EVI5: variants seen among roughly 807,000 people sequenced by gnomAD.
EVI5 encodes the protein ecotropic viral integration site 5, also known as ecotropic viral integration site 5 protein homolog.
EVI5 carries 73 observed loss-of-function variants against 112.0 expected under a neutral mutation model. The ratio of observed to expected loss-of-function variants is 0.65; its 90% CI spans 0.54 to 0.79. The LOEUF (loss-of-function observed/expected upper bound fraction) is 0.79, where lower values mean the gene tolerates loss of function less well. EVI5 is among the 30% of genes least tolerant of loss of function. The probability of loss-of-function intolerance (pLI) is 0.00; values close to 1 mark genes in which losing one functional copy is unlikely to be tolerated. For synonymous variants in EVI5, 305 were observed against 319.9 expected (o/e 0.95, Z 0.50); for missense variants, 900 against 968.8 (o/e 0.93, Z 0.94).
At chr1:92,763,405 T>A (rs1682164354) in intron 1 of EVI5, among the ~76,000 whole-genome samples, 1 of 151,212 alleles carries the variant, frequency 6.6e-6, no homozygotes, top group Admixed American at 6.6e-5. Context: ...ATTTTAAAAT[T>A]AACATTTTGA....
At chr1:92,776,903 C>T (rs559809637) in intron 1 of EVI5, among the ~76,000 whole-genome samples, 40 of 151,670 alleles carry the variant, frequency 2.6e-4, no homozygotes, top group Non-Finnish European at 4.7e-4. Context: ...CCCGGGTTCA[C>T]GCCATTCTCC....
chr1:92,774,158 T>C (rs1683816176), intron 1 of EVI5: 1 of 152,188 alleles, frequency 6.6e-6, no homozygotes. Context: ...TTCAAAGACA[T>C]TACATTATTC....
chr1:92,670,923 C>T (rs759307648), intron 10 of EVI5, among the ~76,000 whole-genome samples: 28 of 152,102 alleles, frequency 1.8e-4, no homozygotes, highest in Non-Finnish European at 3.5e-4. Flanking sequence ...CTCCTAACTT[C>T]GCACTAAATT....
intron 13 of EVI5, among the ~76,000 whole-genome samples, chr1:92,650,114 G>A (rs897121190): frequency 6.6e-6 from 1 of 152,032 alleles, no homozygotes; most frequent in Non-Finnish European, 1.5e-5. Flanking sequence ...GAAAGTGTGA[G>A]TCCTCCAACT....
intron 1 of EVI5, among the ~76,000 whole-genome samples, chr1:92,755,076 T>G (rs998598716): frequency 4.0e-5 from 6 of 151,098 alleles, no homozygotes; most frequent in Non-Finnish European, 7.4e-5. Context: ...AGGTTTTTTT[T>G]TTTTTTTTTT....
At chr1:92,515,036 C>A (rs1021814755) in intron 19 of EVI5, among the ~76,000 whole-genome samples, 2 of 152,152 alleles carry the variant, frequency 1.3e-5, no homozygotes, top group African/African-American at 4.8e-5. Context: ...CTTCTCTCCC[C>A]AACTCCCCCT....
intron 1 of EVI5, among the ~76,000 whole-genome samples, chr1:92,764,926 G>A (rs1570845159): frequency 6.6e-6 from 1 of 151,872 alleles, no homozygotes; most frequent in South Asian, 2.1e-4. Flanking sequence ...TATATGCTTC[G>A]GTAAACACAA....
At chr1:92,632,341 T>C (rs532194271) in intron 14 of EVI5, among the ~76,000 whole-genome samples, 3 of 152,328 alleles carry the variant, frequency 2.0e-5, no homozygotes, top group East Asian at 1.9e-4. Flanking sequence ...AGCTATTAAT[T>C]ATTGCCTCAA....
chr1:92,724,924 C>T (rs1675330213), intron 2 of EVI5, among the ~76,000 whole-genome samples: 1 of 152,128 alleles, frequency 6.6e-6, no homozygotes, highest in Non-Finnish European at 1.5e-5. Flanking sequence ...TTTTAACCAC[C>T]TTGAAATTCA....
chr1:92,657,421 G>T (rs1663194651), intron 13 of EVI5, among the ~76,000 whole-genome samples: 1 of 152,266 alleles, frequency 6.6e-6, no homozygotes, highest in Middle Eastern at 3.4e-3. Flanking sequence ...CCAGCACTTT[G>T]AGAGGCCAAG....
At chr1:92,719,169 G>A (rs977151607) in intron 2 of EVI5, among the ~76,000 whole-genome samples, 4 of 150,982 alleles carry the variant, frequency 2.6e-5, no homozygotes, top group Non-Finnish European at 5.9e-5. Context: ...AATAGAAAAA[G>A]AGGGAATCCT....
chr1:92,605,290 T>C lies in EVI5; in HGVS notation c.2070+17A>G. ...AAACTATATTTTTACATGTACTTTA[T>C]TATTTTCATATGGTACCTGGATTTC... On this transcript the variant is annotated intron_variant, in intron 18 of 19. Coordinates refer to ENST00000684568, the MANE Select transcript of EVI5 (RefSeq NM_001350197.2). 6.5e-7 allele frequency: 1 copy of C among 1,536,610 alleles called. No individual in the cohort carries two copies. Among genetic ancestry groups the C allele is most frequent in the Non-Finnish European group, 9.0e-7 (1 of 1,110,250 alleles).
chr1:92,704,653 T>G lies in EVI5; in HGVS notation c.241A>C (p.Ser81Arg), dbSNP rs1558111993. The change falls in exon 3 of 20, where the codon AGC (serine) becomes CGC (arginine). Residue 81 changes from serine (S) to arginine (R), a missense_variant. By Grantham distance (110) the Ser-to-Arg change is moderately radical (BLOSUM62 -1). Transcript: ENST00000684568. ...SSLVSSSSAS[S>R]NLSHLEEDSW... ...TCTTCTTCAAGGTGACTGAGGTTGC[T>G]AGAGGCTGATGAACTCGACACAAGA... 6.2e-7 allele frequency: 1 copy of G among 1,605,534 alleles called. No individual in the cohort carries two copies. Among genetic ancestry groups the G allele is most frequent in the Admixed American group, 1.7e-5 (1 of 59,336 alleles).
chr1:92,534,269 G>C lies in EVI5; in HGVS notation c.2167-20299C>G, dbSNP rs530341000. Among the ~76,000 whole-genome samples the C allele has an allele frequency of 6.6e-5, 10 of 152,166 alleles. 1 individual carries two copies. The highest frequency in any genetic ancestry group is 3.9e-4 in the Admixed American group (6 of 15,264). Reference sequence around the variant, plus strand: ...AGGAGAACTACAAACCACTGCTCAAGGAAATAAGAGAGGACACAAACAAAT... The same window carrying C: ...AGGAGAACTACAAACCACTGCTCAACGAAATAAGAGAGGACACAAACAAAT... On this transcript the variant is annotated intron_variant, in intron 19 of 19. Transcript: ENST00000684568.
intron 16 of EVI5, among the ~76,000 whole-genome samples, chr1:92,617,950 A>G (rs1490255912): frequency 1.3e-5 from 2 of 152,196 alleles, no homozygotes; most frequent in African/African-American, 2.4e-5. Context: ...CTTTATGGCC[A>G]AAGAAGTGTT....
At chr1:92,772,502 T>A (rs1683561371) in intron 1 of EVI5, among the ~76,000 whole-genome samples, 1 of 152,032 alleles carries the variant, frequency 6.6e-6, no homozygotes, top group Non-Finnish European at 1.5e-5. Context: ...TGTTTAGCAT[T>A]GTCTTCTAAA....
chr1:92,714,129 T>C (rs969405041), intron 2 of EVI5: 7 of 982,590 alleles, frequency 7.1e-6, no homozygotes, highest in Admixed American at 6.1e-5. Context: ...TTTCATCAAA[T>C]AGATCTTTGA....
intron 18 of EVI5, among the ~76,000 whole-genome samples, chr1:92,574,760 A>G (rs556169177): frequency 6.6e-6 from 1 of 152,316 alleles, no homozygotes; most frequent in South Asian, 2.1e-4. Flanking sequence ...GTGGGGGAAC[A>G]TTTTAAAACA....
chr1:92,527,090 T>A (rs1662008779), intron 19 of EVI5, among the ~76,000 whole-genome samples: 1 of 152,034 alleles, frequency 6.6e-6, no homozygotes, highest in Non-Finnish European at 1.5e-5. Context: ...CAAAACCGCT[T>A]GAGAAAAGTT....
Sources: allele counts gnomAD v4.1 joint callset (sites outside exome capture counted in the v4.1 genomes callset), GRCh38; gene constraint gnomAD v4.1.1; transcripts MANE v1.5; gene names NCBI Gene and HGNC (gene_info 2026-07-23, HGNC 2026-07-21).